Variants in ZNF717 observed in about 807,000 individuals in gnomAD.
ZNF717 encodes the protein krueppel-like factor X17.
Under a neutral mutation model 13.8 loss-of-function variants are expected in ZNF717, and 9 were observed. The ratio of observed to expected loss-of-function variants is 0.65; its 90% CI spans 0.39 to 1.14. The LOEUF (loss-of-function observed/expected upper bound fraction) is 1.14. ZNF717 is among the 50% of genes most tolerant of loss of function. The probability of loss-of-function intolerance (pLI) is 0.01; values close to 1 mark genes in which losing one functional copy is unlikely to be tolerated. For missense variants in ZNF717, 1,040 were observed against 1,080.7 expected, an observed-to-expected ratio of 0.96 and a Z score of 0.53; for synonymous variants, 327 against 364.1, an observed-to-expected ratio of 0.90 and a Z score of 1.16.
chr3:75,745,179 T>C (rs1941018736), intron 2 of ZNF717, among the ~76,000 whole-genome samples: 3 of 147,478 alleles, frequency 2.0e-5, no homozygotes, highest in African/African-American at 7.4e-5. Flanking sequence ...TTTCTGTCTT[T>C]TTAAAATTAC....
chr3:75,766,814 A>C (rs796249062), intron 2 of ZNF717, among the ~76,000 whole-genome samples: 2,912 of 149,462 alleles, frequency 0.019, no homozygotes, highest in South Asian at 0.11. Context: ...TTAAATTAGA[A>C]ACCAACAACA....
At chr3:75,777,818 G>A (rs765155954) in intron 2 of ZNF717, among the ~76,000 whole-genome samples, 22 of 150,314 alleles carry the variant, frequency 1.5e-4, no homozygotes, top group Non-Finnish European at 2.7e-4. Context: ...CAATGGGAGT[G>A]TCATGCTAAA....
intron 2 of ZNF717, among the ~76,000 whole-genome samples, chr3:75,752,634 A>G (rs1235473322): frequency 7.4e-6 from 1 of 135,136 alleles, no homozygotes; most frequent in African/African-American, 2.9e-5. Context: ...CTGTGGTCTT[A>G]ATGTTTTTTA....
intron 2 of ZNF717, among the ~76,000 whole-genome samples, chr3:75,748,949 C>T (rs1396779282): frequency 6.6e-6 from 1 of 152,202 alleles, no homozygotes; most frequent in Non-Finnish European, 1.5e-5. Context: ...TTCCAGAACA[C>T]TACTGCTGTG....
chr3:75,758,197 G>A (rs1276036128), intron 2 of ZNF717, among the ~76,000 whole-genome samples: 1 of 150,942 alleles, frequency 6.6e-6, no homozygotes, highest in Non-Finnish European at 1.5e-5. Flanking sequence ...AGGGGTTCAC[G>A]ACTTCTGTGG....
At chr3:75,719,970 A>AATAATAATAATAATAAT (rs748007104) in intron 4 of ZNF717, among the ~76,000 whole-genome samples, 1 of 146,136 alleles carries the variant, frequency 6.8e-6, no homozygotes, top group African/African-American at 2.5e-5. Context: ...AAATAATAAT[A>AATAATAATAATAATAAT]AATAATAATA....
At chr3:75,696,959 AAT>A in intron 6 of ZNF717, among the ~76,000 whole-genome samples, 1 of 136,666 alleles carries the variant, frequency 7.3e-6, no homozygotes, top group South Asian at 2.3e-4. Flanking sequence ...ATACTAAAAA[AAT>A]TTGATAAAAT....
At chr3:75,782,341 T>C (rs1287562432) in intron 2 of ZNF717, among the ~76,000 whole-genome samples, 1 of 152,208 alleles carries the variant, frequency 6.6e-6, no homozygotes, top group Admixed American at 6.5e-5. Flanking sequence ...TGGAGAGTTA[T>C]TTAAGGACCT....
At chr3:75,783,505 G>A in intron 1 of ZNF717, 141 bp from the exon 2 acceptor site, 1 of 625,278 alleles carries the variant, frequency 1.6e-6, no homozygotes, top group East Asian at 2.9e-5. Context: ...CATGGGAGAA[G>A]AGTCCTTCAA....
chr3:75,765,846 T>C (rs998081503), intron 2 of ZNF717, among the ~76,000 whole-genome samples: 3 of 152,258 alleles, frequency 2.0e-5, no homozygotes, highest in African/African-American at 4.8e-5. Context: ...TGGTGGCTCA[T>C]GCCTGTAATC....
downstream of ZNF717, among the ~76,000 whole-genome samples, chr3:75,732,394 T>G (rs73117207): frequency 6.9e-6 from 1 of 145,964 alleles, no homozygotes; most frequent in Non-Finnish European, 1.5e-5. Context: ...ACTCCAGAAC[T>G]CTTCTGCTAC....
chr3:75,747,632 G>C (rs1373386819), intron 2 of ZNF717, among the ~76,000 whole-genome samples: 89 of 152,174 alleles, frequency 5.8e-4, no homozygotes, highest in African/African-American at 2.0e-3. Context: ...AATTTGAATG[G>C]GAGTTCACTC....
Position 75,741,623 on chromosome 3 carries a change from G to C in ZNF717, c.171C>G (p.Ser57Arg). 6.2e-7 allele frequency: 1 copy of C among 1,610,950 alleles called. No homozygotes were observed. Among genetic ancestry groups the C allele is most frequent in the South Asian group, 1.1e-5 (1 of 90,742 alleles). Residue 57 changes from serine (S) to arginine (R), a missense_variant, in exon 3 of 5, where the codon AGC becomes AGG. Physicochemically the swap from Ser to Arg is moderately radical, Grantham distance 110 (BLOSUM62 -1). This residue lies in a region of ZNF717 where 123 missense variants were observed against 177.8 expected (regional missense o/e 0.69). Transcript: ENST00000652011. Reference protein sequence around the residue: ...YRDVMLETYSSLVSLGHYITK... With the variant: ...YRDVMLETYSRLVSLGHYITK... ...AGTTTCACTCACCCAATGATACCAGGCTGCTGTAGGTCTCCAGCATCACGT... is the reference window on the plus strand; with the variant it reads ...AGTTTCACTCACCCAATGATACCAGCCTGCTGTAGGTCTCCAGCATCACGT...
chr3:75,711,879 G>A (rs1475006253), intron 5 of ZNF717, among the ~76,000 whole-genome samples: 5 of 152,224 alleles, frequency 3.3e-5, no homozygotes, highest in Non-Finnish European at 5.9e-5. Context: ...CAAAAACTTG[G>A]AATAGCCATG....
intron 6 of ZNF717, among the ~76,000 whole-genome samples, chr3:75,698,989 T>C (rs1214165718): frequency 6.6e-6 from 1 of 152,294 alleles, no homozygotes; most frequent in Non-Finnish European, 1.5e-5. Flanking sequence ...TCCCAAGGCA[T>C]TAGTGTGCCC....
At chr3:75,741,041 G>A (rs1359988990) in intron 4 of ZNF717, among the ~76,000 whole-genome samples, 2 of 152,188 alleles carry the variant, frequency 1.3e-5, no homozygotes, top group Non-Finnish European at 2.9e-5. Flanking sequence ...AAGGCCTAAG[G>A]AGAGGATGGC....
chr3:75,728,093 A>C (rs1386835055), downstream of ZNF717, among the ~76,000 whole-genome samples: 1 of 152,276 alleles, frequency 6.6e-6, no homozygotes, highest in Non-Finnish European at 1.5e-5. Flanking sequence ...TGATGGTGCT[A>C]GAACATATGG....
chr3:75,746,090 T>C (rs1282803862), intron 2 of ZNF717, among the ~76,000 whole-genome samples: 3 of 152,158 alleles, frequency 2.0e-5, no homozygotes, highest in Admixed American at 6.5e-5. Flanking sequence ...GTTTTCATTG[T>C]TCAATTCCGA....
intron 2 of ZNF717, among the ~76,000 whole-genome samples, chr3:75,762,141 A>T (rs1943086290): frequency 6.6e-6 from 1 of 152,226 alleles, no homozygotes; most frequent in Admixed American, 6.5e-5. Context: ...AGAAATTTTT[A>T]AAAAGAATGA....
Sources: allele counts gnomAD v4.1 joint callset (sites outside exome capture counted in the v4.1 genomes callset), GRCh38; gene constraint gnomAD v4.1.1; regional missense constraint gnomAD v4.1.1; transcripts MANE v1.5; gene names NCBI Gene and HGNC (gene_info 2026-07-23, HGNC 2026-07-21).